Variants in NCOA1 observed in about 807,000 individuals in gnomAD.
NCOA1 encodes Hin-2 protein.
NCOA1 carries 35 observed loss-of-function variants against 150.9 expected under a neutral mutation model. The observed-to-expected ratio is 0.23, with a 90% CI of 0.18 to 0.31. The LOEUF (loss-of-function observed/expected upper bound fraction) is 0.31, where lower values mean the gene tolerates loss of function less well. Ranked by LOEUF, NCOA1 falls within the 10% of genes least tolerant of loss-of-function variation. The pLI is 1.00. For missense variants in NCOA1, 1,491 were observed against 1,749.3 expected (o/e 0.85, Z 2.63); for synonymous variants, 590 against 630.0 (o/e 0.94, Z 0.95).
intron 1 of NCOA1, among the ~76,000 whole-genome samples, chr2:24,499,878 A>G (rs1663382414): frequency 6.6e-6 from 1 of 152,348 alleles, no homozygotes; most frequent in East Asian, 1.9e-4. Flanking sequence ...GTTGAAGACA[A>G]CTAGTGTCAC....
intron 2 of NCOA1, among the ~76,000 whole-genome samples, chr2:24,568,833 A>G (rs1666616083): frequency 6.6e-6 from 1 of 152,228 alleles, no homozygotes; most frequent in African/African-American, 2.4e-5. Flanking sequence ...TTTGTTTTTC[A>G]GCTGGATGAA....
chr2:24,669,221 C>A (rs915565653), intron 6 of NCOA1, among the ~76,000 whole-genome samples: 5 of 151,982 alleles, frequency 3.3e-5, no homozygotes, highest in African/African-American at 1.2e-4. Flanking sequence ...AACAACACAC[C>A]CAAAATACAA....
intron 8 of NCOA1, among the ~76,000 whole-genome samples, chr2:24,686,775 GATCACCTAAA>G (rs1672424090): frequency 6.6e-6 from 1 of 152,106 alleles, no homozygotes; most frequent in African/African-American, 2.4e-5. Context: ...TATCTAGAAA[GATCACCTAAA>G]ATATTTAGCA....
intron 14 of NCOA1, among the ~76,000 whole-genome samples, chr2:24,719,712 A>G (rs1273198761): frequency 6.6e-6 from 1 of 152,198 alleles, no homozygotes; most frequent in Non-Finnish European, 1.5e-5. Flanking sequence ...ATGACAGCTG[A>G]TCCACAAGAT....
chr2:24,623,013 AAG>A (rs1367759816), intron 3 of NCOA1, among the ~76,000 whole-genome samples: 1 of 152,230 alleles, frequency 6.6e-6, no homozygotes, highest in Non-Finnish European at 1.5e-5. Context: ...ATGGGGACAG[AAG>A]AGCAGAGGGC....
chr2:24,527,910 G>C (rs1664719225), intron 1 of NCOA1, among the ~76,000 whole-genome samples: 1 of 152,046 alleles, frequency 6.6e-6, no homozygotes, highest in Non-Finnish European at 1.5e-5. Context: ...CATTTCCCTT[G>C]TGATTAGTGA....
chr2:24,563,523 T>TC (rs1666375276), intron 1 of NCOA1, among the ~76,000 whole-genome samples: 1 of 142,848 alleles, frequency 7.0e-6, no homozygotes, highest in African/African-American at 2.5e-5. Flanking sequence ...AATCTCTCTC[T>TC]TTTTTTTTTT....
At chr2:24,666,348 T>C (rs1434659159) in intron 6 of NCOA1, among the ~76,000 whole-genome samples, 3 of 152,138 alleles carry the variant, frequency 2.0e-5, no homozygotes, top group African/African-American at 7.2e-5. Context: ...TATTGAACAT[T>C]ATAATTTTAT....
intron 1 of NCOA1, among the ~76,000 whole-genome samples, chr2:24,520,285 A>C (rs1299692542): frequency 6.6e-6 from 1 of 152,226 alleles, no homozygotes; most frequent in Non-Finnish European, 1.5e-5. Flanking sequence ...ATGTCCATAT[A>C]CATTTTGAAC....
chr2:24,671,220 A>G (rs1301170742), intron 6 of NCOA1, among the ~76,000 whole-genome samples: 2 of 152,210 alleles, frequency 1.3e-5, no homozygotes, highest in East Asian at 1.9e-4. Context: ...ACATGTATCA[A>G]TGTGGTTAAA....
intron 11 of NCOA1, among the ~76,000 whole-genome samples, chr2:24,699,610 A>T (rs893015409): frequency 1.1e-4 from 16 of 152,178 alleles, no homozygotes; most frequent in African/African-American, 3.9e-4. Flanking sequence ...TCTTAGAATC[A>T]AGTTGTCCAA....
chr2:24,708,184 C>G (rs1437230342), intron 13 of NCOA1, among the ~76,000 whole-genome samples: 1 of 152,142 alleles, frequency 6.6e-6, no homozygotes, highest in Non-Finnish European at 1.5e-5. Context: ...CCCCTCTCTC[C>G]CAGCCCTACC....
chr2:24,767,217 GA>G (rs570631354), intron 22 of NCOA1, among the ~76,000 whole-genome samples: 1 of 152,102 alleles, frequency 6.6e-6, no homozygotes, highest in Non-Finnish European at 1.5e-5. Flanking sequence ...TAATTGACAT[GA>G]ATTAGTGATA....
In NCOA1 at chr2:24,706,762, A is replaced by C. The variant is rs202008308; in HGVS notation, c.1292A>C (p.His431Pro). 2 of 1,614,096 alleles carry C rather than the reference A, an allele frequency of 1.2e-6. No homozygotes were observed. Among genetic ancestry groups the C allele is most frequent in the Admixed American group, 1.7e-5 (1 of 60,008 alleles). The change falls in exon 13 of 23, where the codon CAT becomes CCT. Residue 431 changes from histidine to proline, a missense_variant. By Grantham distance (77) the His-to-Pro change is moderately conservative. Coordinates refer to ENST00000348332, the MANE Select transcript of NCOA1 (RefSeq NM_003743.5). ...QQSSDLHSSS[H>P]SNSSNSQGSF... is the part of the protein sequence containing the mutation. ...AGCTCAGACCTTCATAGCAGCAGTCATAGTAATTCTAGCAACAGCCAAGGA... is the reference window on the plus strand; with the variant it reads ...AGCTCAGACCTTCATAGCAGCAGTCCTAGTAATTCTAGCAACAGCCAAGGA...
chr2:24,497,110 C>T (rs1216457988), intron 1 of NCOA1, among the ~76,000 whole-genome samples: 2 of 152,120 alleles, frequency 1.3e-5, no homozygotes, highest in Non-Finnish European at 2.9e-5. Context: ...AAACAAGGCT[C>T]AGGGAAGTTA....
intron 1 of NCOA1, among the ~76,000 whole-genome samples, chr2:24,523,627 A>AAAAAAAAAAAAAAAAG (rs1664522619): frequency 1.5e-5 from 2 of 129,590 alleles, no homozygotes; most frequent in African/African-American, 2.8e-5. Flanking sequence ...AAAAAAAAAA[A>AAAAAAAAAAAAAAAAG]AAAGAAACTG....
intron 2 of NCOA1, among the ~76,000 whole-genome samples, chr2:24,571,429 C>T (rs921889481): frequency 3.3e-5 from 5 of 152,100 alleles, no homozygotes; most frequent in African/African-American, 1.2e-4. Context: ...TTACTGTTTA[C>T]CAGGCTCTCT....
intron 1 of NCOA1, among the ~76,000 whole-genome samples, chr2:24,494,424 T>A (rs1187073307): frequency 6.6e-6 from 1 of 152,190 alleles, no homozygotes; most frequent in African/African-American, 2.4e-5. Context: ...GCATATCTTA[T>A]GGAGTTGGCT....
intron 2 of NCOA1, among the ~76,000 whole-genome samples, chr2:24,571,084 T>C (rs768075924): frequency 1.1e-4 from 16 of 152,302 alleles, no homozygotes; most frequent in Middle Eastern, 3.4e-3. Context: ...TAATGAAATA[T>C]TGATGTAACG....
Sources: allele counts gnomAD v4.1 joint callset (sites outside exome capture counted in the v4.1 genomes callset), GRCh38; gene constraint gnomAD v4.1.1; transcripts MANE v1.5; gene names NCBI Gene and HGNC (gene_info 2026-07-23, HGNC 2026-07-21).